The following UNC79 variants were observed in gnomAD, a reference collection of about 807,000 sequenced individuals.
UNC79 encodes protein unc-79 homolog.
A neutral mutation model predicts 283.1 loss-of-function variants in UNC79; 37 were observed. That is an observed-to-expected ratio of 0.13 (90% confidence interval 0.10 to 0.17). The LOEUF is 0.17. Among genes scored for constraint, UNC79 ranks in the 10% least tolerant of loss-of-function variants. The pLI, the probability that UNC79 is intolerant of heterozygous loss-of-function variation, is 1.00. For synonymous variants in UNC79, 1,107 were observed against 1,200.2 expected (o/e 0.92, Z 1.61); for missense variants, 2,272 against 3,211.1 (o/e 0.71, Z 7.07).
At chr14:93,534,508 A>C (rs2060977381) in intron 11 of UNC79, among the ~76,000 whole-genome samples, 1 of 152,158 alleles carries the variant, frequency 6.6e-6, no homozygotes, top group Non-Finnish European at 1.5e-5. Flanking sequence ...ATGATTTTTG[A>C]GGCAGTCCTT....
At chr14:93,586,651 G>C (rs1350170428) in exon 21 of UNC79, 1 of 1,613,896 alleles carries the variant, frequency 6.2e-7, no homozygotes, top group Admixed American at 1.7e-5. Context: ...CGGTAACATT[G>C]AGACTAATAT....
At chr14:93,480,476 T>G (rs2058073253) in intron 4 of UNC79, among the ~76,000 whole-genome samples, 1 of 152,196 alleles carries the variant, frequency 6.6e-6, no homozygotes, top group Non-Finnish European at 1.5e-5. Flanking sequence ...TTGCTCTGGT[T>G]TTAGTCTTTT....
intron 7 of UNC79, among the ~76,000 whole-genome samples, chr14:93,521,671 C>T (rs1041397781): frequency 6.6e-6 from 1 of 151,036 alleles, no homozygotes; most frequent in Non-Finnish European, 1.5e-5. Context: ...TTTTTTAGTT[C>T]TCTAGTTGTT....
At chr14:93,684,520 T>A (rs1332859289) in intron 42 of UNC79, among the ~76,000 whole-genome samples, 1 of 151,856 alleles carries the variant, frequency 6.6e-6, no homozygotes, top group Non-Finnish European at 1.5e-5. Flanking sequence ...TCAAATAATA[T>A]TTAATTAATT....
chr14:93,692,030 C>A, intron 46 of UNC79, 84 bp downstream of exon 49: 1 of 1,481,082 alleles, frequency 6.8e-7, no homozygotes, highest in Non-Finnish European at 9.4e-7. Context: ...CCTGTTTTCA[C>A]AGATCTCAGT....
chr14:93,622,492 G>T, exon 30 of UNC79: 2 of 1,614,056 alleles, frequency 1.2e-6, no homozygotes, highest in Non-Finnish European at 1.7e-6. Context: ...TTCAGAAGTC[G>T]TTTGCTCTCC....
rs1250609053 is a variant in UNC79, at chr14:93,542,714, G to C, written c.1755+18G>C. The C allele has an allele frequency of 6.2e-7, 1 of 1,613,394 alleles. No individual in the cohort carries two copies. Among genetic ancestry groups the C allele is most frequent in the Non-Finnish European group, 8.5e-7 (1 of 1,179,282 alleles). ...TTGCCAGGGTAAGTGGAGGCCTACA[G>C]CTCACACCTTGTTAGAGAGGAGGAC... On this transcript the variant is annotated intron_variant, in intron 14 of 48. Transcript: ENST00000555664.
At chr14:93,655,302 C>A in exon 38 of UNC79, 1 of 1,614,106 alleles carries the variant, frequency 6.2e-7, no homozygotes, top group Non-Finnish European at 8.5e-7. Flanking sequence ...ACATTGCAAC[C>A]TTCATGGAAG....
chr14:93,357,039 T>C (rs913563589), intron 1 of UNC79, among the ~76,000 whole-genome samples: 1 of 152,186 alleles, frequency 6.6e-6, no homozygotes, highest in Non-Finnish European at 1.5e-5. Flanking sequence ...GGCCCCAGTG[T>C]TTCTTGTTCC....
intron 14 of UNC79, among the ~76,000 whole-genome samples, chr14:93,550,086 A>T (rs1470370655): frequency 1.3e-5 from 2 of 152,260 alleles, no homozygotes; most frequent in Non-Finnish European, 2.9e-5. Context: ...TCTGCAGTTA[A>T]AAGTGAAGGC....
intron 11 of UNC79, among the ~76,000 whole-genome samples, chr14:93,537,221 C>A (rs550523236): frequency 6.6e-6 from 1 of 152,364 alleles, no homozygotes; most frequent in South Asian, 2.1e-4. Context: ...TGCCTCACTC[C>A]TCTGCCTCCC....
In UNC79 at chr14:93,373,084, A is replaced by G. The variant is rs553405920; in HGVS notation, c.-351+39561A>G. Among the ~76,000 whole-genome samples, 39 of 152,360 alleles carry G rather than the reference A, an allele frequency of 2.6e-4. 1 individual carries two copies. Among genetic ancestry groups the G allele is most frequent in the African/African-American group, 9.1e-4 (38 of 41,598 alleles). On this transcript the variant is annotated intron_variant, in intron 1 of 49. Coordinates refer to the UNC79 transcript ENST00000256339. ...AAATAACACATGAGTCAAAGAGGAA[A>G]TCTCAAGAGAAATTAAAGTATATTT...
chr14:93,355,439 G>A (rs149600644), intron 1 of UNC79, among the ~76,000 whole-genome samples: 40 of 151,972 alleles, frequency 2.6e-4, no homozygotes, highest in Non-Finnish European at 5.2e-4. Context: ...CCTCGTGATC[G>A]GCCTGCCTTG....
chr14:93,337,847 G>A (rs1281290928), intron 1 of UNC79, among the ~76,000 whole-genome samples: 2 of 152,076 alleles, frequency 1.3e-5, no homozygotes, highest in African/African-American at 2.4e-5. Flanking sequence ...AAGCTTTTGG[G>A]TGCCACTGTG....
chr14:93,494,997 C>T (rs532632485), intron 5 of UNC79, among the ~76,000 whole-genome samples: 22 of 152,174 alleles, frequency 1.4e-4, no homozygotes, highest in African/African-American at 5.3e-4. Flanking sequence ...AGAAAAGTCT[C>T]CTGGTGTACC....
exon 30 of UNC79, chr14:93,622,175 G>A: frequency 6.2e-7 from 1 of 1,614,146 alleles, no homozygotes. Context: ...GAGTGACGAA[G>A]AAGAGGAGAC....
At chr14:93,479,371 C>A (rs1250609902) in intron 4 of UNC79, among the ~76,000 whole-genome samples, 1 of 152,026 alleles carries the variant, frequency 6.6e-6, no homozygotes, top group Non-Finnish European at 1.5e-5. Context: ...AGTTTTGGCT[C>A]ACTATAACCT....
At chr14:93,485,122 TAAA>T (rs1015052470) in intron 4 of UNC79, among the ~76,000 whole-genome samples, 1 of 151,762 alleles carries the variant, frequency 6.6e-6, no homozygotes, top group Non-Finnish European at 1.5e-5. Context: ...TGCATATTAT[TAAA>T]AAGTTTGAGA....
intron 7 of UNC79, 144 bp downstream of exon 7, chr14:93,497,430 G>A (rs1383407876): frequency 1.6e-6 from 2 of 1,218,230 alleles, no homozygotes; most frequent in African/African-American, 3.1e-5. Flanking sequence ...CTGAAACTAA[G>A]TGGTTTAAAG....
Sources: allele counts gnomAD v4.1 joint callset (sites outside exome capture counted in the v4.1 genomes callset), GRCh38; gene constraint gnomAD v4.1.1; transcripts MANE v1.5; gene names NCBI Gene and HGNC (gene_info 2026-07-23, HGNC 2026-07-21).